ZFHX3: variants seen among roughly 807,000 people sequenced by gnomAD.
The protein encoded by ZFHX3 is zinc finger homeobox 3.
In ZFHX3, 42 loss-of-function variants were observed where a neutral mutation model predicts 279.1. That is an observed-to-expected ratio of 0.15 (90% CI 0.12 to 0.19). The LOEUF is 0.19. Among genes scored for constraint, ZFHX3 ranks in the 10% least tolerant of loss-of-function variants. The pLI, the probability that ZFHX3 is intolerant of heterozygous loss-of-function variation, is 1.00. For synonymous variants in ZFHX3, 2,293 were observed against 1,957.8 expected (o/e 1.17, Z -4.52); for missense variants, 4,981 against 4,754.0 (o/e 1.05, Z -1.40).
intron 5 of ZFHX3, among the ~76,000 whole-genome samples, chr16:73,233,405 C>A (rs1399270375): frequency 6.6e-6 from 1 of 152,166 alleles, no homozygotes; most frequent in Non-Finnish European, 1.5e-5. Flanking sequence ...TTATGGGAGG[C>A]TTCTGCTTCA....
chr16:73,238,018 AT>A (rs1204986889), intron 5 of ZFHX3, among the ~76,000 whole-genome samples: 1 of 152,032 alleles, frequency 6.6e-6, no homozygotes, highest in African/African-American at 2.4e-5. Flanking sequence ...TTAACAACCA[AT>A]TCCACTGTGC....
chr16:73,675,190 G>C (rs1567548608), intron 2 of ZFHX3, among the ~76,000 whole-genome samples: 2 of 152,050 alleles, frequency 1.3e-5, no homozygotes, highest in Non-Finnish European at 2.9e-5. Flanking sequence ...AGACTTTCCT[G>C]GTTCTCAAGC....
intron 3 of ZFHX3, among the ~76,000 whole-genome samples, chr16:73,339,475 T>C (rs1481788988): frequency 6.6e-6 from 1 of 152,240 alleles, no homozygotes; most frequent in Admixed American, 6.5e-5. Context: ...GTTCCAAGCA[T>C]GTAACCTTAT....
At chr16:73,887,407 GA>G (rs1309122677) in intron 1 of ZFHX3, among the ~76,000 whole-genome samples, 3 of 152,134 alleles carry the variant, frequency 2.0e-5, no homozygotes, top group Non-Finnish European at 4.4e-5. Flanking sequence ...ACATTCCTCT[GA>G]GTCTACTCCA....
chr16:73,090,286 A>G (rs1966057199), intron 8 of ZFHX3, among the ~76,000 whole-genome samples: 1 of 152,184 alleles, frequency 6.6e-6, no homozygotes, highest in Non-Finnish European at 1.5e-5. Flanking sequence ...CCAGCTACTC[A>G]GGAGGCTGAG....
intron 1 of ZFHX3, among the ~76,000 whole-genome samples, chr16:73,713,257 C>T (rs938710896): frequency 5.3e-5 from 8 of 152,170 alleles, no homozygotes; most frequent in South Asian, 2.1e-4. Flanking sequence ...CATGCATTCC[C>T]GTCCCACTCA....
In ZFHX3 at chr16:73,489,829, C is replaced by T. The variant is rs186307073; in HGVS notation, c.-1546-33571G>A. On this transcript the variant is annotated intron_variant, in intron 2 of 17. Coordinates refer to the ZFHX3 transcript ENST00000641206. Reference sequence around the variant, plus strand: ...TTTTTTCTGACTGAATAAAACAAAGCTCATAGTAATTGTAACAACATTAGC... The same window carrying T: ...TTTTTTCTGACTGAATAAAACAAAGTTCATAGTAATTGTAACAACATTAGC... Among the ~76,000 whole-genome samples the T allele has an allele frequency of 5.3e-3, 799 of 152,032 alleles. 3 individuals carry two copies. Among genetic ancestry groups the T allele is most frequent in the Middle Eastern group, 0.031 (9 of 294 alleles).
intron 2 of ZFHX3, among the ~76,000 whole-genome samples, chr16:73,622,566 A>G (rs533135233): frequency 7.8e-6 from 1 of 128,738 alleles, no homozygotes; most frequent in Admixed American, 7.0e-5. Flanking sequence ...TGTCTCCAAA[A>G]AAGAAAGAAA....
intron 5 of ZFHX3, among the ~76,000 whole-genome samples, chr16:73,146,363 G>T (rs1966863050): frequency 6.6e-6 from 1 of 152,020 alleles, no homozygotes; most frequent in Non-Finnish European, 1.5e-5. Flanking sequence ...GGGAGGCGGA[G>T]GTTGCAGTGA....
intron 1 of ZFHX3, among the ~76,000 whole-genome samples, chr16:73,017,667 C>G (rs1209359650): frequency 6.6e-6 from 1 of 152,112 alleles, no homozygotes; most frequent in Non-Finnish European, 1.5e-5. Flanking sequence ...TAGTCCTCCA[C>G]CAAGAGCTTT....
At chr16:73,862,030 A>C (rs1396652362) in intron 1 of ZFHX3, among the ~76,000 whole-genome samples, 2 of 152,202 alleles carry the variant, frequency 1.3e-5, no homozygotes, top group East Asian at 3.8e-4. Flanking sequence ...GGAAGAATCT[A>C]AGTTACATTT....
chr16:72,859,391 C>T (rs1482359021), intron 4 of ZFHX3, among the ~76,000 whole-genome samples: 1 of 152,128 alleles, frequency 6.6e-6, no homozygotes, highest in Non-Finnish European at 1.5e-5. Flanking sequence ...CTATGACAAC[C>T]GCTATCGTCC....
chr16:73,137,526 A>T (rs1966814896), intron 6 of ZFHX3: 1 of 152,030 alleles, frequency 6.6e-6, no homozygotes, highest in Middle Eastern at 3.2e-3. Flanking sequence ...AGGTTTTATG[A>T]TGTCTTGGTT....
In ZFHX3 at chr16:73,547,121, T is replaced by C. The variant is rs140360508; in HGVS notation, c.-1546-90863A>G. Among the ~76,000 whole-genome samples, 608 of 152,142 alleles carry C rather than the reference T, an allele frequency of 4.0e-3. 3 individuals carry two copies. The highest frequency in any genetic ancestry group is 6.2e-3 in the Non-Finnish European group (424 of 68,004). On this transcript the variant is annotated intron_variant, in intron 2 of 17. Coordinates refer to the ZFHX3 transcript ENST00000641206. ...AGAAATCTCTCCATCCTAATGACAA[T>C]GTAGGATGGAGAGATTTATTCTTTG...
At chr16:73,750,730 C>T (rs2053754384) in intron 1 of ZFHX3, among the ~76,000 whole-genome samples, 1 of 152,110 alleles carries the variant, frequency 6.6e-6, no homozygotes, top group South Asian at 2.1e-4. Flanking sequence ...AGGGGCATCC[C>T]AAACCATGGC....
intron 8 of ZFHX3, chr16:73,092,847 C>T (rs1295311938): frequency 2.0e-5 from 10 of 496,288 alleles, no homozygotes; most frequent in African/African-American, 1.2e-4. Context: ...CATGCAGACC[C>T]GGAGTTTAAT....
chr16:73,748,406 A>G (rs1415594457), intron 1 of ZFHX3, among the ~76,000 whole-genome samples: 1 of 152,198 alleles, frequency 6.6e-6, no homozygotes. Context: ...AGTCCACAAT[A>G]TCATGTAAAT....
At chr16:73,630,525 A>T (rs192859812) in intron 2 of ZFHX3, among the ~76,000 whole-genome samples, 58 of 152,358 alleles carry the variant, frequency 3.8e-4, no homozygotes, top group African/African-American at 1.3e-3. Context: ...ACGCAACTCC[A>T]TACTTAGGAA....
intron 3 of ZFHX3, among the ~76,000 whole-genome samples, chr16:73,377,894 G>C (rs1597308398): frequency 6.6e-6 from 1 of 151,122 alleles, no homozygotes; most frequent in South Asian, 2.1e-4. Context: ...TGAGCCGGGC[G>C]TGGTGCCGAG....
Sources: gnomAD v4.1 joint callset for allele counts (sites outside exome capture counted in the v4.1 genomes callset) on GRCh38, gnomAD v4.1.1 for gene constraint, MANE v1.5 for transcripts, NCBI Gene and HGNC (gene_info 2026-07-23, HGNC 2026-07-21) for gene names.